The following GGACT variants were observed in gnomAD, a reference collection of about 807,000 sequenced individuals.
The protein encoded by GGACT is gamma-glutamylamine cyclotransferase.
For synonymous variants in GGACT, 118 were observed against 115.3 expected (o/e 1.02, Z -0.15); for missense variants, 241 against 233.2 (o/e 1.03, Z -0.22).
chr13:100,568,519 T>C (rs940633845), intron 2 of GGACT, among the ~76,000 whole-genome samples: 1 of 152,200 alleles, frequency 6.6e-6, no homozygotes, highest in Non-Finnish European at 1.5e-5. Context: ...CCATCCCCCA[T>C]GATTCAATTA....
intron 2 of GGACT, among the ~76,000 whole-genome samples, chr13:100,556,363 T>A (rs902195750): frequency 1.3e-5 from 2 of 152,218 alleles, no homozygotes; most frequent in African/African-American, 4.8e-5. Flanking sequence ...AAAAATCCAT[T>A]ATCATTTATA....
At position 100,570,484 on chromosome 13, in the gene GGACT, G is replaced by A. The variant is rs538892631; in HGVS notation, c.-11+13341C>T. On this transcript the variant is annotated intron_variant, in intron 2 of 2. Coordinates refer to ENST00000683975, the MANE Select transcript of GGACT (RefSeq NM_001195087.2). ...ACTATCACAAGAACAGGATGGGGGGGAACCGCTGCCATGATTCAGTTATGT... is the reference window on the plus strand; with the variant it reads ...ACTATCACAAGAACAGGATGGGGGGAAACCGCTGCCATGATTCAGTTATGT... Among the ~76,000 whole-genome samples, 586 of 152,182 alleles carry A rather than the reference G, an allele frequency of 3.9e-3. 5 individuals carry two copies. The highest frequency in any genetic ancestry group is 0.014 in the African/African-American group (563 of 41,516).
intron 2 of GGACT, among the ~76,000 whole-genome samples, chr13:100,580,368 C>T (rs1434351828): frequency 1.3e-5 from 2 of 152,236 alleles, no homozygotes; most frequent in Non-Finnish European, 2.9e-5. Flanking sequence ...AGACAGACAC[C>T]GAGGAGGGGG....
chr13:100,548,711 T>TA, intron 2 of GGACT, among the ~76,000 whole-genome samples: 1 of 152,048 alleles, frequency 6.6e-6, no homozygotes, highest in Non-Finnish European at 1.5e-5. Context: ...AGTTTAAAAT[T>TA]AAAAAAATGT....
At chr13:100,577,280 G>A (rs1875274339) in intron 2 of GGACT, among the ~76,000 whole-genome samples, 2 of 152,078 alleles carry the variant, frequency 1.3e-5, no homozygotes, top group Admixed American at 6.5e-5. Context: ...GCCAGGCGTG[G>A]TGGTGGGTGC....
chr13:100,572,043 G>C (rs1875097593), intron 2 of GGACT, among the ~76,000 whole-genome samples: 1 of 152,184 alleles, frequency 6.6e-6, no homozygotes, highest in African/African-American at 2.4e-5. Context: ...GGAAAAACCT[G>C]TATAAGCCCT....
rs1352207695 is a variant in GGACT, at chr13:100,561,183, C to T, written c.-11+22642G>A. Reference sequence around the variant, plus strand: ...TTCCAGCTCCATTGCTATTATTTTACCAATGATTATCTACAAGCTTTCCTT... The same window carrying T: ...TTCCAGCTCCATTGCTATTATTTTATCAATGATTATCTACAAGCTTTCCTT... On this transcript the variant is annotated intron_variant, in intron 2 of 2. Coordinates refer to ENST00000683975, the MANE Select transcript of GGACT (RefSeq NM_001195087.2). 3.9e-5 allele frequency among the ~76,000 whole-genome samples: 6 copies of T among 152,190 alleles called. No individual in the cohort carries two copies. In the East Asian group the frequency reaches 5.8e-4, roughly 15 times the overall value.
intron 2 of GGACT, chr13:100,540,280 T>C (rs1019776762): frequency 8.9e-7 from 1 of 1,126,660 alleles, no homozygotes; most frequent in Admixed American, 1.7e-5. Context: ...GAGAGTGGGC[T>C]TTTCTTTTGG....
intron 2 of GGACT, among the ~76,000 whole-genome samples, chr13:100,553,965 C>G (rs1397215539): frequency 6.6e-6 from 1 of 151,714 alleles, no homozygotes; most frequent in Non-Finnish European, 1.5e-5. Context: ...ATAAAATGTA[C>G]ACTAAGCCTT....
At chr13:100,569,506 C>T (rs566024403) in intron 2 of GGACT, among the ~76,000 whole-genome samples, 14 of 152,288 alleles carry the variant, frequency 9.2e-5, no homozygotes, top group Admixed American at 4.6e-4. Context: ...CACCATGTCC[C>T]GAGGCTGCAT....
intron 2 of GGACT, among the ~76,000 whole-genome samples, chr13:100,543,884 C>G (rs1250011380): frequency 6.6e-6 from 1 of 152,216 alleles, no homozygotes; most frequent in Non-Finnish European, 1.5e-5. Context: ...TCATTCAATA[C>G]CTCGTGTCAA....
rs182437681 is a variant in GGACT at position 100,532,586 on chromosome 13, G to A, written c.6C>T (p.Ala2=). The part of the protein sequence containing the change: M[A]LVFVYGTLKR... ...TCAGGGTGCCGTACACGAAGACTAG[G>A]GCCATCCGGGCAGAGCTGCAGGGAG... The change falls in exon 3 of 3, where the codon GCC becomes GCT. Residue 2 remains alanine, a synonymous_variant. Coordinates refer to ENST00000683975, the MANE Select transcript of GGACT (RefSeq NM_001195087.2). 6.6e-5 allele frequency: 101 copies of A among 1,539,150 alleles called. No individual in the cohort carries two copies. In the African/African-American group the frequency reaches 1.2e-3, roughly 19 times the overall value.
At chr13:100,565,075 G>A (rs1434388127) in intron 2 of GGACT, among the ~76,000 whole-genome samples, 2 of 152,218 alleles carry the variant, frequency 1.3e-5, no homozygotes, top group Admixed American at 6.5e-5. Flanking sequence ...GGGGATGGCC[G>A]CCGCCTCCTT....
intron 2 of GGACT, among the ~76,000 whole-genome samples, chr13:100,567,319 T>C (rs207474311): frequency 1.3e-5 from 2 of 152,266 alleles, no homozygotes; most frequent in East Asian, 1.9e-4. Flanking sequence ...CATGGACTTA[T>C]GGTTTCCTAT....
chr13:100,541,688 G>A (rs181540599), intron 2 of GGACT: 4 of 152,324 alleles, frequency 2.6e-5, no homozygotes, highest in African/African-American at 9.6e-5. Context: ...TTGGGAGGGT[G>A]ATATTACGTA....
At chr13:100,558,241 G>C (rs1021664033) in intron 2 of GGACT, among the ~76,000 whole-genome samples, 1 of 151,198 alleles carries the variant, frequency 6.6e-6, no homozygotes, top group Admixed American at 6.6e-5. Context: ...TCTTTGGGAG[G>C]CTGAGGCAGG....
At position 100,544,707 on chromosome 13, in the gene GGACT, T is replaced by C. The variant is rs553509105; in HGVS notation, c.-10-12106A>G. On this transcript the variant is annotated intron_variant, in intron 2 of 2. Coordinates refer to ENST00000683975, the MANE Select transcript of GGACT (RefSeq NM_001195087.2). Reference sequence around the variant, plus strand: ...CAGCAACCATCCCTTGAGTTTTTACTCTTTGGCCATGCCAAATATAAATAA... The same window carrying C: ...CAGCAACCATCCCTTGAGTTTTTACCCTTTGGCCATGCCAAATATAAATAA... Among the ~76,000 whole-genome samples, 40 of 152,382 alleles carry C rather than the reference T, an allele frequency of 2.6e-4. 1 individual carries two copies. Among genetic ancestry groups the C allele is most frequent in the African/African-American group, 9.6e-4 (40 of 41,598 alleles).
intron 2 of GGACT, among the ~76,000 whole-genome samples, chr13:100,542,323 T>C (rs1011038171): frequency 5.3e-5 from 8 of 152,202 alleles, no homozygotes. Flanking sequence ...TTCATGACGC[T>C]GTGGAAACGT....
intron 2 of GGACT, among the ~76,000 whole-genome samples, chr13:100,570,425 C>T (rs1043753926): frequency 6.6e-6 from 1 of 152,110 alleles, no homozygotes; most frequent in African/African-American, 2.4e-5. Flanking sequence ...AAGGGGGAAG[C>T]CCCTTATAAA....
Sources: allele counts gnomAD v4.1 joint callset (sites outside exome capture counted in the v4.1 genomes callset), GRCh38; gene constraint gnomAD v4.1.1; transcripts MANE v1.5; gene names NCBI Gene and HGNC (gene_info 2026-07-23, HGNC 2026-07-21).